The following VWF variants were observed in gnomAD, a reference collection of about 807,000 sequenced individuals.
The protein encoded by VWF is von Willebrand factor, also known as Factor VIII related antigen.
In VWF, 176 loss-of-function variants were observed where a neutral mutation model predicts 308.6. The ratio of observed to expected loss-of-function variants is 0.57; its 90% CI spans 0.50 to 0.65. The LOEUF (loss-of-function observed/expected upper bound fraction) is 0.65. Among genes scored for constraint, VWF ranks in the 30% least tolerant of loss-of-function variants. The pLI, the probability that VWF is intolerant of heterozygous loss-of-function variation, is 0.00. For synonymous variants in VWF, 1,385 were observed against 1,443.4 expected (o/e 0.96, Z 0.92); for missense variants, 3,146 against 3,648.2 (o/e 0.86, Z 3.55).
Position 5,996,232 on chromosome 12 carries a change from G to A in VWF, c.5843-10C>T, listed in dbSNP as rs1246124213. ...CTGCCTGTGCACACGCCTGGACAGAGAGAAGCAGAGGATGGATGCGACGTT... is the reference window on the plus strand; with the variant it reads ...CTGCCTGTGCACACGCCTGGACAGAAAGAAGCAGAGGATGGATGCGACGTT... On this transcript the variant is annotated splice_polypyrimidine_tract_variant and intron_variant, in intron 34 of 51. Coordinates refer to ENST00000261405, the MANE Select transcript of VWF (RefSeq NM_000552.5). 3 of 1,606,968 alleles carry A rather than the reference G, an allele frequency of 1.9e-6. No individual in the cohort carries two copies. Among genetic ancestry groups the A allele is most frequent in the Non-Finnish European group, 1.7e-6 (2 of 1,176,598 alleles).
chr12:5,977,846 G>A (rs1284248577), intron 42 of VWF, among the ~76,000 whole-genome samples: 1 of 149,702 alleles, frequency 6.7e-6, no homozygotes, highest in Non-Finnish European at 1.5e-5. Context: ...CTTGTGCCTG[G>A]GTGACAGAGC....
At chr12:6,094,920 G>A (rs1003368229) in intron 6 of VWF, among the ~76,000 whole-genome samples, 7 of 125,216 alleles carry the variant, frequency 5.6e-5, no homozygotes, top group African/African-American at 2.1e-4. Flanking sequence ...GTCTCACTCT[G>A]TCGCCCAGGC....
chr12:6,026,567 T>TGTC (rs1205891167), intron 22 of VWF, among the ~76,000 whole-genome samples: 6 of 152,214 alleles, frequency 3.9e-5, no homozygotes, highest in Non-Finnish European at 8.8e-5. Context: ...CAGGAAGATA[T>TGTC]GTCTCACCTG....
intron 18 of VWF, among the ~76,000 whole-genome samples, chr12:6,039,316 A>G (rs1159951979): frequency 6.6e-6 from 1 of 152,192 alleles, no homozygotes; most frequent in African/African-American, 2.4e-5. Flanking sequence ...ACTCCAAGAA[A>G]ATTATAAAGT....
chr12:5,994,286 G>C (rs2136385806), intron 36 of VWF, 83 bp from the exon 37 acceptor site: 1 of 1,593,380 alleles, frequency 6.3e-7, no homozygotes, highest in Non-Finnish European at 8.6e-7. Flanking sequence ...GGCCATTCTT[G>C]ATCCTCACCA....
chr12:5,978,078 C>G (rs1029915744), intron 42 of VWF, among the ~76,000 whole-genome samples: 4 of 149,104 alleles, frequency 2.7e-5, no homozygotes, highest in East Asian at 1.9e-4. Context: ...AAATGGAAAA[C>G]AAATTGAAAT....
At chr12:6,079,382 G>A (rs932395581) in intron 6 of VWF, among the ~76,000 whole-genome samples, 11 of 152,228 alleles carry the variant, frequency 7.2e-5, no homozygotes, top group African/African-American at 1.7e-4. Context: ...CAAGGCGGGC[G>A]GATCAAGAGG....
At chr12:6,047,197 T>G (rs2136443368) in intron 16 of VWF, among the ~76,000 whole-genome samples, 1 of 152,214 alleles carries the variant, frequency 6.6e-6, no homozygotes, top group Middle Eastern at 3.4e-3. Flanking sequence ...TGTCCTAGGC[T>G]CGCTCCTCTT....
At position 6,019,467 on chromosome 12, in the gene VWF, G is replaced by A. The variant is rs561155315; in HGVS notation, c.3951C>T (p.Ala1317=). ...LRISQKWVRV[A]VVEYHDGSHA... ...GGGAGCCGTCGTGGTACTCCACCAC[G>A]GCCACGCGGACCCACTTCTGGGAGA... Residue 1317 remains alanine, a synonymous_variant, in exon 28 of 52, where the codon GCC becomes GCT. Coordinates refer to ENST00000261405, the MANE Select transcript of VWF (RefSeq NM_000552.5). This position sits in a 1 kb window ranked among gnomAD's most constrained non-coding sequence, Gnocchi z 5.8. 48 of 1,613,792 alleles carry A rather than the reference G, an allele frequency of 3.0e-5. No individual in the cohort carries two copies. Among genetic ancestry groups the A allele is most frequent in the South Asian group, 1.8e-4 (16 of 91,030 alleles).
chr12:6,053,311 A>G (rs1468559410), intron 15 of VWF, among the ~76,000 whole-genome samples: 1 of 152,218 alleles, frequency 6.6e-6, no homozygotes, highest in Non-Finnish European at 1.5e-5. Context: ...GTTAGCTCTC[A>G]TCACCCCCTT....
Position 6,016,151 on chromosome 12 carries a change from A to G in VWF, c.5393T>C (p.Ile1798Thr). The G allele has an allele frequency of 6.2e-7, 1 of 1,614,164 alleles. No individual in the cohort carries two copies. Among genetic ancestry groups the G allele is most frequent in the Non-Finnish European group, 8.5e-7 (1 of 1,180,036 alleles). Residue 1798 changes from isoleucine to threonine, a missense_variant, in exon 31 of 52, where the codon ATC becomes ACC. Transcript: ENST00000261405. ...ARPGASKAVV[I>T]LVTDVSVDSV... is the part of the protein sequence containing the mutation. ...ATCCACAGAGACGTCCGTGACCAGG[A>G]TGACCACCGCCTTTGAGGCTCCCGG...
At chr12:5,977,845 G>A (rs10849367) in intron 42 of VWF, among the ~76,000 whole-genome samples, 11,318 of 150,120 alleles carry the variant, frequency 0.075, 623 homozygotes, top group East Asian at 0.25. Flanking sequence ...ACTTGTGCCT[G>A]GGTGACAGAG....
rs769211574 is a variant in VWF, at chr12:5,991,869, G to A, written c.6748C>T (p.Pro2250Ser). Residue 2250 changes from proline (P) to serine (S), a missense_variant, in exon 38 of 52, where the codon CCT becomes TCT. Physicochemically the swap from Pro to Ser is moderately conservative, Grantham distance 74. Around this residue, in one of 3 missense-constraint regions of VWF, gnomAD observed 989 missense variants for 1,117.4 expected, o/e 0.89. Coordinates refer to ENST00000261405, the MANE Select transcript of VWF (RefSeq NM_000552.5). The part of the protein sequence containing the change: ...DKVMLEGSCV[P>S]EEACTQCIGE... Reference sequence around the variant, plus strand: ...ATGCACTGAGTGCAGGCCTCTTCAGGGACACAGCTGCCTTCCAACATGACT... The same window carrying A: ...ATGCACTGAGTGCAGGCCTCTTCAGAGACACAGCTGCCTTCCAACATGACT... The A allele has an allele frequency of 6.2e-7, 1 of 1,614,216 alleles. No individual in the cohort carries two copies. Among genetic ancestry groups the A allele is most frequent in the South Asian group, 1.1e-5 (1 of 91,080 alleles).
At chr12:6,078,520 G>A (rs1185554216) in intron 6 of VWF, among the ~76,000 whole-genome samples, 1 of 152,172 alleles carries the variant, frequency 6.6e-6, no homozygotes, top group Non-Finnish European at 1.5e-5. Flanking sequence ...AGGGTCATGT[G>A]CTCAGGCTAT....
intron 16 of VWF, among the ~76,000 whole-genome samples, chr12:6,049,902 C>A (rs576936056): frequency 2.6e-5 from 4 of 152,292 alleles, no homozygotes; most frequent in Middle Eastern, 3.4e-3. Context: ...TCATGCAATC[C>A]TCTTTTTCTT....
intron 21 of VWF, among the ~76,000 whole-genome samples, chr12:6,030,676 G>C (rs1257539184): frequency 6.6e-6 from 1 of 152,150 alleles, no homozygotes; most frequent in Non-Finnish European, 1.5e-5. Flanking sequence ...GTACACTTAT[G>C]AGAACTACTT....
intron 6 of VWF, among the ~76,000 whole-genome samples, chr12:6,089,234 CTTCCGAGCCAGTGAAAAAACCTCGGT>C (rs1945005928): frequency 6.6e-6 from 1 of 152,200 alleles, no homozygotes; most frequent in African/African-American, 2.4e-5. Context: ...AGTCATTGTG[CTTCCGAGCCAGTGAAAAAACCTCGGT>C]TGTGGGCAAA....
intron 28 of VWF, among the ~76,000 whole-genome samples, chr12:6,017,328 A>G (rs1944074571): frequency 6.6e-6 from 1 of 152,232 alleles, no homozygotes; most frequent in Non-Finnish European, 1.5e-5. Context: ...TTCCAGCTAT[A>G]AATGCCTAGT....
At chr12:6,003,162 A>C (rs1943890451) in intron 34 of VWF, among the ~76,000 whole-genome samples, 1 of 152,280 alleles carries the variant, frequency 6.6e-6, no homozygotes, top group Admixed American at 6.5e-5. Flanking sequence ...AATTGAAATC[A>C]TAAAAAGGAA....
Sources: gnomAD v4.1 joint callset for allele counts (sites outside exome capture counted in the v4.1 genomes callset) on GRCh38, gnomAD v4.1.1 for gene constraint, gnomAD v4.1.1 regional missense constraint, Gnocchi (gnomAD v3.1) non-coding constraint, MANE v1.5 for transcripts, NCBI Gene and HGNC (gene_info 2026-07-23, HGNC 2026-07-21) for gene names.